HS3ST1: variants seen among roughly 807,000 people sequenced by gnomAD.
HS3ST1 encodes the protein heparan sulfate-glucosamine 3-sulfotransferase 1, also known as heparan sulfate glucosamine 3-O-sulfotransferase 1.
Under a neutral mutation model 20.7 loss-of-function variants are expected in HS3ST1, and 8 were observed. That is an observed-to-expected ratio of 0.39 (90% CI 0.23 to 0.70). The LOEUF (loss-of-function observed/expected upper bound fraction) is 0.70, where lower values mean the gene tolerates loss of function less well. Ranked by LOEUF, HS3ST1 falls within the 30% of genes least tolerant of loss-of-function variation. The pLI is 0.46. For missense variants in HS3ST1, 436 were observed against 423.4 expected (o/e 1.03, Z -0.26); for synonymous variants, 205 against 190.4 (o/e 1.08, Z -0.63).
intron 1 of HS3ST1, among the ~76,000 whole-genome samples, chr4:11,402,420 A>G (rs1388833760): frequency 6.6e-6 from 1 of 152,164 alleles, no homozygotes; most frequent in Non-Finnish European, 1.5e-5. Context: ...TAGTCAAGTG[A>G]TGGTTTCAGG....
intron 1 of HS3ST1, among the ~76,000 whole-genome samples, chr4:11,401,348 A>ATTT (rs57710102): frequency 0.013 from 1,891 of 141,830 alleles, 38 homozygotes; most frequent in African/African-American, 0.033. Flanking sequence ...TGTCACCGCC[A>ATTT]TTTTTTTTTT....
chr4:11,429,108 T>TA (rs1719147808), upstream of HS3ST1: 3 of 152,382 alleles, frequency 2.0e-5, no homozygotes, highest in African/African-American at 2.4e-5. Context: ...TGCGCTCAGC[T>TA]GCTCCGCACA....
At chr4:11,430,009 C>T (rs916936704), upstream of HS3ST1, among the ~76,000 whole-genome samples, 4 of 151,858 alleles carry the variant, frequency 2.6e-5, no homozygotes, top group African/African-American at 9.7e-5. Context: ...TGGAAGACTT[C>T]GAATTTGTGA....
At chr4:11,411,813 A>G (rs528582379) in intron 1 of HS3ST1, among the ~76,000 whole-genome samples, 1 of 152,312 alleles carries the variant, frequency 6.6e-6, no homozygotes, top group Non-Finnish European at 1.5e-5. Flanking sequence ...AATCATCAAG[A>G]TGAATTACAG....
chr4:11,399,537 A>G lies in HS3ST1; in HGVS notation c.469T>C (p.Tyr157His), dbSNP rs1332513980. 2 of 1,613,924 alleles carry G rather than the reference A, an allele frequency of 1.2e-6. No individual in the cohort carries two copies. The highest frequency in any genetic ancestry group is 1.7e-6 in the Non-Finnish European group (2 of 1,180,022). ...RDPSERVLSD[Y>H]TQVFYNHMQK... ...ATGTGGTTGTAGAACACTTGGGTGT[A>G]GTCAGATAGCACGCGCTCCGACGGG... Residue 157 changes from tyrosine (Y) to histidine (H), a missense_variant, in exon 2 of 2, where the codon TAC (tyrosine) becomes CAC (histidine). Coordinates refer to ENST00000002596, the MANE Select transcript of HS3ST1 (RefSeq NM_005114.4). The surrounding 1 kb of genome is among the most constrained non-coding windows in gnomAD (Gnocchi z 5.1).
In HS3ST1 at chr4:11,397,915, GA is replaced by G. The variant is rs1236853551; in HGVS notation, c.*1166del. 1 of 152,170 alleles carries G rather than the reference GA, an allele frequency of 6.6e-6. No individual in the cohort carries two copies. 9.4% of individuals were successfully genotyped at this position (152,170 alleles called of 1,614,324 possible). On this transcript the variant is annotated 3_prime_UTR_variant, in exon 2 of 2. Coordinates refer to ENST00000002596, the MANE Select transcript of HS3ST1 (RefSeq NM_005114.4). ...TGCATGAAGAATGCATGAAAAAACT[GA>G]GGATAAGAAGGGTTTATGTGACCAT...
intron 1 of HS3ST1, among the ~76,000 whole-genome samples, chr4:11,419,410 T>C (rs1201444395): frequency 2.6e-5 from 4 of 152,130 alleles, no homozygotes; most frequent in African/African-American, 9.7e-5. Flanking sequence ...TTCTCACTCC[T>C]AAGTGGGAGT....
intron 1 of HS3ST1, among the ~76,000 whole-genome samples, chr4:11,417,857 C>G (rs544612076): frequency 6.6e-6 from 1 of 152,316 alleles, no homozygotes; most frequent in Admixed American, 6.5e-5. Context: ...GGATCAATCT[C>G]CAATTGTAAT....
At chr4:11,424,604 G>A (rs901301709) in intron 1 of HS3ST1, among the ~76,000 whole-genome samples, 6 of 152,152 alleles carry the variant, frequency 3.9e-5, no homozygotes, top group Admixed American at 3.3e-4. Context: ...AAAATGAGAA[G>A]GAATGAAAGG....
chr4:11,426,947 C>T (rs1487387368), intron 1 of HS3ST1, among the ~76,000 whole-genome samples: 1 of 152,204 alleles, frequency 6.6e-6, no homozygotes, highest in Non-Finnish European at 1.5e-5. Context: ...CGCGCGTCTC[C>T]TGGAATTTCA....
At chr4:11,406,469 C>G (rs895104353) in intron 1 of HS3ST1, among the ~76,000 whole-genome samples, 1 of 152,222 alleles carries the variant, frequency 6.6e-6, no homozygotes, top group Non-Finnish European at 1.5e-5. Flanking sequence ...GGCACAGTGT[C>G]TGGCACACAG....
upstream of HS3ST1, among the ~76,000 whole-genome samples, chr4:11,430,597 T>G (rs567589983): frequency 7.2e-5 from 11 of 152,314 alleles, no homozygotes; most frequent in Admixed American, 5.2e-4. Context: ...CTCAAAGTGC[T>G]TTGGTGCCAT....
chr4:11,403,490 G>A (rs1321970219), intron 1 of HS3ST1, among the ~76,000 whole-genome samples: 2 of 152,212 alleles, frequency 1.3e-5, no homozygotes, highest in African/African-American at 4.8e-5. Flanking sequence ...CACACCCCAA[G>A]ATGACTTGCC....
At chr4:11,405,416 G>T (rs1014942790) in intron 1 of HS3ST1, among the ~76,000 whole-genome samples, 9 of 152,152 alleles carry the variant, frequency 5.9e-5, no homozygotes, top group African/African-American at 2.2e-4. Flanking sequence ...CTTCCAGATG[G>T]AGGCTTCCCT....
intron 1 of HS3ST1, among the ~76,000 whole-genome samples, chr4:11,428,023 C>G (rs1719105778): frequency 6.6e-6 from 1 of 152,236 alleles, no homozygotes; most frequent in Non-Finnish European, 1.5e-5. Context: ...TCCCTCACCT[C>G]CATCCGCTGC....
chr4:11,398,883 C>A lies in HS3ST1; in HGVS notation c.*199G>T. 2 of 482,010 alleles carry A rather than the reference C, an allele frequency of 4.1e-6. No homozygotes were observed. The highest frequency in any genetic ancestry group is 3.6e-6 in the Non-Finnish European group (1 of 277,226). The allele number at this position is 482,010 out of a possible 1,614,324, so 29.9% of individuals were successfully genotyped here. ...ACACAATGTTAACAACCATGAAAAA[C>A]AATACAAAATGCCCTCCATTTAACA... On this transcript the variant is annotated 3_prime_UTR_variant, in exon 2 of 2. Coordinates refer to ENST00000002596, the MANE Select transcript of HS3ST1 (RefSeq NM_005114.4).
chr4:11,418,098 C>T (rs1718834231), intron 1 of HS3ST1, among the ~76,000 whole-genome samples: 1 of 151,812 alleles, frequency 6.6e-6, no homozygotes, highest in Admixed American at 6.6e-5. Flanking sequence ...GAGAGCCCCT[C>T]TCTTCTCAGC....
At chr4:11,411,133 A>G (rs745629161) in intron 1 of HS3ST1, among the ~76,000 whole-genome samples, 15 of 152,188 alleles carry the variant, frequency 9.9e-5, no homozygotes, top group Non-Finnish European at 1.9e-4. Flanking sequence ...TTTGAAAACA[A>G]ACATTTAAGA....
chr4:11,421,368 G>A (rs1358423180), intron 1 of HS3ST1, among the ~76,000 whole-genome samples: 1 of 152,136 alleles, frequency 6.6e-6, no homozygotes, highest in East Asian at 1.9e-4. Context: ...TCCTACCCAG[G>A]ACACTGGGAG....
Sources: gnomAD v4.1 joint callset for allele counts (sites outside exome capture counted in the v4.1 genomes callset) on GRCh38, gnomAD v4.1.1 for gene constraint, Gnocchi (gnomAD v3.1) non-coding constraint, MANE v1.5 for transcripts, NCBI Gene and HGNC (gene_info 2026-07-23, HGNC 2026-07-21) for gene names.